Variants in PRDM15 observed in about 807,000 individuals in gnomAD.
PRDM15 encodes PR/SET domain 15.
A neutral mutation model predicts 128.6 loss-of-function variants in PRDM15; 64 were observed. The observed-to-expected ratio is 0.50, with a 90% CI of 0.41 to 0.61. The LOEUF (loss-of-function observed/expected upper bound fraction) is 0.61, where lower values mean the gene tolerates loss of function less well. PRDM15 is among the 20% of genes least tolerant of loss of function. The pLI, the probability that PRDM15 is intolerant of heterozygous loss-of-function variation, is 0.00. For missense variants in PRDM15, 1,242 were observed against 1,569.1 expected (o/e 0.79, Z 3.52); for synonymous variants, 615 against 621.8 (o/e 0.99, Z 0.16).
chr21:41,822,594 C>A (rs2062318755), intron 14 of PRDM15, among the ~76,000 whole-genome samples: 1 of 152,200 alleles, frequency 6.6e-6, no homozygotes, highest in African/African-American at 2.4e-5. Context: ...TAAAATGCGA[C>A]CAGTTGTCAA....
chr21:41,854,294 C>T lies in PRDM15; in HGVS notation c.538+272G>A, dbSNP rs2063512904. On this transcript the variant is annotated intron_variant, in intron 5 of 23. Transcript: ENST00000398548. The surrounding 1 kb of genome is among the most constrained non-coding windows in gnomAD (Gnocchi z 4.6). Reference sequence around the variant, plus strand: ...CCATGCACTCATGACAATGCCATCGCCCCAGGACACATTTCTGAGAATGTA... The same window carrying T: ...CCATGCACTCATGACAATGCCATCGTCCCAGGACACATTTCTGAGAATGTA... 6.6e-6 allele frequency among the ~76,000 whole-genome samples: 1 copy of T among 152,144 alleles called. No homozygotes were observed. The highest frequency in any genetic ancestry group is 1.5e-5 in the Non-Finnish European group (1 of 68,032).
intron 17 of PRDM15, 193 bp from the exon 18 acceptor site, chr21:41,819,894 C>T (rs1418667214): frequency 1.0e-5 from 8 of 803,358 alleles, no homozygotes; most frequent in Admixed American, 2.4e-5. Context: ...CCCTGAGGAC[C>T]TGGAGGGGTG....
intron 16 of PRDM15, among the ~76,000 whole-genome samples, chr21:41,820,579 C>T (rs1042761007): frequency 1.3e-5 from 2 of 152,182 alleles, no homozygotes; most frequent in South Asian, 2.1e-4. Flanking sequence ...TCAGAGGAGG[C>T]GGCCCTGCCG....
intron 23 of PRDM15, among the ~76,000 whole-genome samples, chr21:41,802,336 G>C (rs1290929770): frequency 2.6e-5 from 4 of 152,274 alleles, no homozygotes; most frequent in African/African-American, 9.6e-5. Context: ...TCCAGACTGA[G>C]GGATCCTTGC....
intron 21 of PRDM15, among the ~76,000 whole-genome samples, chr21:41,805,732 C>A (rs1218367719): frequency 6.6e-6 from 1 of 151,652 alleles, no homozygotes; most frequent in Non-Finnish European, 1.5e-5. Context: ...AGCACCACCA[C>A]CACCATCATC....
intron 8 of PRDM15, 52 bp downstream of exon 8, chr21:41,837,882 C>G: frequency 6.2e-7 from 1 of 1,605,800 alleles, no homozygotes; most frequent in Non-Finnish European, 8.5e-7. Flanking sequence ...GGCCTGGCTG[C>G]TGCCAGCATT....
Position 41,859,526 on chromosome 21 carries a change from A to T in PRDM15, c.131+66T>A. The stretch of plus-strand genomic sequence containing the variant: ...CTCCTTCCTCCCCGTCTGCAGACCC[A>T]AAGGCCACTAGGCTCCTGCCGCAGC... On this transcript the variant is annotated intron_variant, in intron 3 of 23. Coordinates refer to ENST00000398548, the MANE Select transcript of PRDM15 (RefSeq NM_001040424.3). This position sits in a 1 kb window ranked among gnomAD's most constrained non-coding sequence, Gnocchi z 5.3. The T allele has an allele frequency of 7.4e-7, 1 of 1,351,680 alleles. No homozygotes were observed. The highest frequency in any genetic ancestry group is 1.5e-5 in the African/African-American group (1 of 68,794). The allele number at this position is 1,351,680 out of a possible 1,614,324, so 83.7% of individuals were successfully genotyped here.
chr21:41,835,562 C>T (rs368701861), intron 10 of PRDM15, 38 bp from the exon 11 acceptor site: 9 of 1,563,022 alleles, frequency 5.8e-6, no homozygotes, highest in Admixed American at 3.3e-5. Context: ...GATGGCCCAG[C>T]GCAGAGTCCA....
chr21:41,808,702 T>C lies in PRDM15; in HGVS notation c.2652+1452A>G, dbSNP rs189224272. Among the ~76,000 whole-genome samples the C allele has an allele frequency of 8.4e-4, 128 of 152,338 alleles. No homozygotes were observed. In the Middle Eastern group the frequency reaches 0.014, roughly 16 times the overall value. ...GTATTATATATACACACAATGTATG[T>C]GACGTGTATTGTGTATACACACATT... On this transcript the variant is annotated intron_variant, in intron 21 of 23. Coordinates refer to ENST00000398548, the MANE Select transcript of PRDM15 (RefSeq NM_001040424.3).
At chr21:41,806,511 CACCACCACCATCACCACCA>C (rs2061651592) in intron 21 of PRDM15, among the ~76,000 whole-genome samples, 1 of 24,732 alleles carries the variant, frequency 4.0e-5, no homozygotes, top group Admixed American at 5.3e-4. Context: ...CCATCACCAT[CACCACCACCATCACCACCA>C]CCATCACTAC....
chr21:41,837,100 A>G (rs990132707), intron 8 of PRDM15, among the ~76,000 whole-genome samples: 4 of 152,228 alleles, frequency 2.6e-5, no homozygotes, highest in African/African-American at 9.6e-5. Flanking sequence ...AAATAAATAA[A>G]CAGGTAACAT....
intron 8 of PRDM15, among the ~76,000 whole-genome samples, 161 bp downstream of exon 8, chr21:41,837,755 CTCCTGAGCTCCAGAACAT>C (rs11269859): frequency 0.84 from 127,811 of 151,838 alleles, 53,902 homozygotes; most frequent in Non-Finnish European, 0.86. Flanking sequence ...CACCATTAAA[CTCCTGAGCTCCAGAACAT>C]TCCTGAGCTC....
chr21:41,871,995 GTCTT>G lies in PRDM15; in HGVS notation c.-10+7271_-10+7274del, dbSNP rs533833375. The G allele has an allele frequency of 6.9e-3, 1,171 of 169,690 alleles. 7 individuals are homozygous for G. Among genetic ancestry groups the G allele is most frequent in the Non-Finnish European group, 0.011 (888 of 79,786 alleles). The allele number at this position is 169,690 out of a possible 1,614,324, so 10.5% of individuals were successfully genotyped here. A position where few individuals can be genotyped will look rare whatever the true frequency, so the allele number is the denominator to read the frequency against. ...GAACATCGGGCCCTTTTATTTCCAA[GTCTT>G]TCTTTTTGTCTTCTCTAAAATAAAG... On this transcript the variant is annotated intron_variant, in intron 1 of 23. Transcript: ENST00000398548.
In PRDM15 at chr21:41,862,137, A is replaced by C; in HGVS notation, c.-9-1765T>G. On this transcript the variant is annotated intron_variant, in intron 1 of 23. Coordinates refer to ENST00000398548, the MANE Select transcript of PRDM15 (RefSeq NM_001040424.3). The surrounding 1 kb of genome is among the most constrained non-coding windows in gnomAD (Gnocchi z 4.1). ...TGGGGTGGGGAGGGCGCACGCTTTC[A>C]TGAGTTGCTGCTGTGCTACTGGAGG... The C allele has an allele frequency of 8.7e-6, 6 of 688,388 alleles. No individual in the cohort carries two copies. The highest frequency in any genetic ancestry group is 1.6e-5 in the Non-Finnish European group (6 of 385,530). The allele number at this position is 688,388 out of a possible 1,614,324, so 42.6% of individuals were successfully genotyped here.
Position 41,828,135 on chromosome 21 carries a change from C to T in PRDM15, c.1534+31G>A, listed in dbSNP as rs777403879. 6.2e-7 allele frequency: 1 copy of T among 1,609,570 alleles called. No individual in the cohort carries two copies. Among genetic ancestry groups the T allele is most frequent in the South Asian group, 1.1e-5 (1 of 91,000 alleles). ...CCCACCCCGCAGGAGCTGCCTCTCC[C>T]CGCCCGCAGCAGGTGCGCAGGCGGC... On this transcript the variant is annotated intron_variant, in intron 12 of 23. Transcript: ENST00000398548. The surrounding 1 kb of genome is among the most constrained non-coding windows in gnomAD (Gnocchi z 5.7).
rs1160085938 is a variant in PRDM15, at chr21:41,857,281, G to A, written c.180C>T (p.Ala60=). Residue 60 remains alanine (A), a synonymous_variant, in exon 4 of 24, where the codon GCC becomes GCT. Transcript: ENST00000398548. ...NLEIRRLEDG[A]EGVFAITQLV... ...GCTGAGTGATGGCGAACACCCCCTC[G>A]GCTCCATCTTCCAGTCGTCTGATCT... The A allele has an allele frequency of 3.7e-6, 6 of 1,613,734 alleles. No homozygotes were observed. Among genetic ancestry groups the A allele is most frequent in the South Asian group, 2.2e-5 (2 of 91,072 alleles).
chr21:41,834,501 T>A, intron 11 of PRDM15: 1 of 1,550,220 alleles, frequency 6.5e-7, no homozygotes, highest in Non-Finnish European at 8.7e-7. Flanking sequence ...CGTCGAAGGC[T>A]AACCTGGTAG....
rs766825411 is a variant in PRDM15, at chr21:41,828,178, G to A, written c.1522C>T (p.Arg508Trp). 1.3e-5 allele frequency: 21 copies of A among 1,613,726 alleles called. No homozygotes were observed. The highest frequency in any genetic ancestry group is 4.5e-5 in the East Asian group (2 of 44,876). The change falls in exon 12 of 24, where the codon CGG (arginine) becomes TGG (tryptophan). Residue 508 changes from arginine to tryptophan, a missense_variant. Physicochemically the swap from Arg to Trp is moderately radical, Grantham distance 101. Around this residue, in one of 3 missense-constraint regions of PRDM15, gnomAD observed 612 missense variants for 717.0 expected, o/e 0.85. Coordinates refer to ENST00000398548, the MANE Select transcript of PRDM15 (RefSeq NM_001040424.3). The surrounding 1 kb of genome is among the most constrained non-coding windows in gnomAD (Gnocchi z 5.7). Reference sequence around the variant, plus strand: ...CAGGCGGCCTCACCTTCCAGGTGCCGGCGCTGGTGGTCCAGCATGACGTCC... The same window carrying A: ...CAGGCGGCCTCACCTTCCAGGTGCCAGCGCTGGTGGTCCAGCATGACGTCC... ...RKDVMLDHQR[R>W]HLEGVRRVKR...
chr21:41,847,263 C>T (rs779761083), intron 5 of PRDM15, 72 bp from the exon 6 acceptor site: 16 of 1,094,996 alleles, frequency 1.5e-5, no homozygotes, highest in Middle Eastern at 2.0e-4. Context: ...CCCGGCGCAG[C>T]GGAGGAGGGG....
Sources: allele counts gnomAD v4.1 joint callset (sites outside exome capture counted in the v4.1 genomes callset), GRCh38; gene constraint gnomAD v4.1.1; regional missense constraint gnomAD v4.1.1; non-coding constraint Gnocchi (gnomAD v3.1); transcripts MANE v1.5; gene names NCBI Gene and HGNC (gene_info 2026-07-23, HGNC 2026-07-21).